Variants in GABRR2 observed in about 807,000 individuals in gnomAD.
The protein encoded by GABRR2 is gamma-aminobutyric acid receptor subunit rho-2.
A neutral mutation model predicts 47.0 loss-of-function variants in GABRR2; 36 were observed. The ratio of observed to expected loss-of-function variants is 0.77; its 90% CI spans 0.59 to 1.01. GABRR2 has a LOEUF of 1.01. GABRR2 is among the 50% of genes least tolerant of loss of function. The pLI, the probability that GABRR2 is intolerant of heterozygous loss-of-function variation, is 0.00. For synonymous variants in GABRR2, 204 were observed against 227.5 expected (o/e 0.90, Z 0.93); for missense variants, 587 against 594.6 (o/e 0.99, Z 0.13).
chr6:89,274,377 G>T (rs981168642), intron 2 of GABRR2, among the ~76,000 whole-genome samples: 3 of 152,194 alleles, frequency 2.0e-5, no homozygotes, highest in East Asian at 3.8e-4. Flanking sequence ...TGGCTCTCAA[G>T]ATCTCCACTT....
intron 8 of GABRR2, among the ~76,000 whole-genome samples, chr6:89,261,897 G>A (rs1773754007): frequency 1.3e-5 from 2 of 152,052 alleles, no homozygotes; most frequent in South Asian, 2.1e-4. Context: ...AAACTAGCTG[G>A]GCGGGGTGGC....
At chr6:89,303,265 G>A (rs1767490073) in intron 1 of GABRR2, among the ~76,000 whole-genome samples, 1 of 152,216 alleles carries the variant, frequency 6.6e-6, no homozygotes, top group African/African-American at 2.4e-5. Flanking sequence ...CCCTCCTGCA[G>A]TGTTTACACC....
chr6:89,269,889 A>G (rs370131536), intron 3 of GABRR2, among the ~76,000 whole-genome samples: 1 of 152,320 alleles, frequency 6.6e-6, no homozygotes. Flanking sequence ...CCTTGCCTGC[A>G]TGGTTGATTC....
chr6:89,303,645 A>AG (rs1213022767), intron 1 of GABRR2, among the ~76,000 whole-genome samples: 1 of 109,624 alleles, frequency 9.1e-6, no homozygotes, highest in Non-Finnish European at 1.8e-5. Context: ...AATCTTAAGG[A>AG]GGAAAAAAAA....
At chr6:89,297,243 A>G (rs1230520708) in intron 2 of GABRR2, among the ~76,000 whole-genome samples, 1 of 152,248 alleles carries the variant, frequency 6.6e-6, no homozygotes, top group African/African-American at 2.4e-5. Context: ...TCTGCTTAAA[A>G]GTTTGTTTTT....
chr6:89,306,540 A>T (rs1767562458), intron 1 of GABRR2, among the ~76,000 whole-genome samples: 1 of 152,218 alleles, frequency 6.6e-6, no homozygotes, highest in African/African-American at 2.4e-5. Flanking sequence ...TAGAAAGACA[A>T]TTCACAGCCA....
intron 2 of GABRR2, among the ~76,000 whole-genome samples, chr6:89,296,364 A>G (rs552834722): frequency 6.6e-6 from 1 of 152,350 alleles, no homozygotes; most frequent in East Asian, 1.9e-4. Flanking sequence ...GGAGGCAGGG[A>G]GCCCTGGTAC....
intron 2 of GABRR2, among the ~76,000 whole-genome samples, chr6:89,278,247 T>A (rs1219196466): frequency 4.6e-5 from 7 of 152,100 alleles, no homozygotes; most frequent in South Asian, 2.1e-4. Flanking sequence ...GATGAAAGAA[T>A]AAAAAGTGAA....
intron 2 of GABRR2, among the ~76,000 whole-genome samples, chr6:89,287,137 G>A (rs1216509403): frequency 6.6e-6 from 1 of 152,186 alleles, no homozygotes; most frequent in Non-Finnish European, 1.5e-5. Context: ...GGCAACCGGG[G>A]CCCTGCTGAC....
At chr6:89,261,141 C>T (rs937033891) in intron 8 of GABRR2, among the ~76,000 whole-genome samples, 22 of 152,154 alleles carry the variant, frequency 1.4e-4, no homozygotes, top group African/African-American at 5.1e-4. Context: ...GCCGGTGAAC[C>T]GTTCGTTTGT....
At chr6:89,260,413 CT>C (rs1187366061) in intron 8 of GABRR2, among the ~76,000 whole-genome samples, 3 of 152,150 alleles carry the variant, frequency 2.0e-5, no homozygotes, top group Admixed American at 6.5e-5. Flanking sequence ...GATAAAACCC[CT>C]GTTTCCCAGA....
chr6:89,257,399 CT>C lies in GABRR2; in HGVS notation c.*270del. The C allele has an allele frequency of 2.3e-6, 1 of 426,716 alleles. No homozygotes were observed. The highest frequency in any genetic ancestry group is 4.2e-6 in the Non-Finnish European group (1 of 240,014). 26.4% of individuals were successfully genotyped at this position (426,716 alleles called of 1,614,324 possible). A position where few individuals can be genotyped will look rare whatever the true frequency, so the allele number is the denominator to read the frequency against. On this transcript the variant is annotated 3_prime_UTR_variant, in exon 9 of 9. Transcript: ENST00000402938. The stretch of plus-strand genomic sequence containing the variant: ...AATCCTTGTTTATAGGAGGGGAGTT[CT>C]TGTGAATTAGTTCACACACAAGAAC...
At chr6:89,265,544 A>G (rs950857331) in intron 7 of GABRR2, 69 bp downstream of exon 7, 1 of 1,508,632 alleles carries the variant, frequency 6.6e-7, no homozygotes. Context: ...AATGATTTTT[A>G]CTTTTTGTAA....
In GABRR2 at chr6:89,256,461, C is replaced by T. The variant is rs902495449; in HGVS notation, c.*1209G>A. Reference sequence around the variant, plus strand: ...TTGCCTGAATATATAATAGTAACACCGCAATTAACATTAACAATAGGGAAT... The same window carrying T: ...TTGCCTGAATATATAATAGTAACACTGCAATTAACATTAACAATAGGGAAT... On this transcript the variant is annotated 3_prime_UTR_variant, in exon 9 of 9. Coordinates refer to ENST00000402938, the MANE Select transcript of GABRR2 (RefSeq NM_002043.5). 1.3e-5 allele frequency among the ~76,000 whole-genome samples: 2 copies of T among 152,068 alleles called. No homozygotes were observed. The highest frequency in any genetic ancestry group is 2.1e-4 in the South Asian group (1 of 4,804).
intron 8 of GABRR2, among the ~76,000 whole-genome samples, chr6:89,260,542 G>C (rs957897862): frequency 1.3e-5 from 2 of 152,194 alleles, no homozygotes; most frequent in South Asian, 2.1e-4. Context: ...ACGTGTTCCC[G>C]CATGCTCTCG....
chr6:89,265,904 A>C, intron 6 of GABRR2, 139 bp from the exon 7 acceptor site: 2 of 761,946 alleles, frequency 2.6e-6, no homozygotes, highest in Non-Finnish European at 2.1e-6. Flanking sequence ...GCTTAATATA[A>C]TACCTTTCTT....
intron 1 of GABRR2, chr6:89,302,146 G>T: frequency 1.7e-6 from 1 of 592,120 alleles, no homozygotes; most frequent in Admixed American, 2.1e-5. Context: ...TGCGGAAGAA[G>T]TGTGAGAACT....
chr6:89,299,950 C>A, intron 1 of GABRR2, 85 bp from the exon 2 acceptor site: 1 of 878,812 alleles, frequency 1.1e-6, no homozygotes, highest in Non-Finnish European at 1.9e-6. Context: ...CCTGCAAGAT[C>A]TACCTGTTAG....
intron 8 of GABRR2, among the ~76,000 whole-genome samples, chr6:89,263,949 A>T (rs1278944433): frequency 6.6e-6 from 1 of 152,214 alleles, no homozygotes; most frequent in African/African-American, 2.4e-5. Context: ...CTGATAAATA[A>T]AGGCACTTTT....
Sources: allele counts gnomAD v4.1 joint callset (sites outside exome capture counted in the v4.1 genomes callset), GRCh38; gene constraint gnomAD v4.1.1; transcripts MANE v1.5; gene names NCBI Gene and HGNC (gene_info 2026-07-23, HGNC 2026-07-21).